SGCD: variants seen among roughly 807,000 people sequenced by gnomAD.
SGCD encodes sarcoglycan delta, also known as delta-sarcoglycan.
SGCD carries 18 observed loss-of-function variants against 36.6 expected under a neutral mutation model. The observed-to-expected ratio is 0.49, with a 90% CI of 0.34 to 0.73. The LOEUF (loss-of-function observed/expected upper bound fraction) is 0.73. Ranked by LOEUF, SGCD falls within the 30% of genes least tolerant of loss-of-function variation. SGCD has a pLI of 0.01. For synonymous variants in SGCD, 133 were observed against 130.6 expected (o/e 1.02, Z -0.12); for missense variants, 387 against 346.7 (o/e 1.12, Z -0.92).
intron 3 of SGCD, among the ~76,000 whole-genome samples, chr5:156,221,630 CA>C (rs58913038): frequency 7.9e-5 from 12 of 151,004 alleles, no homozygotes; most frequent in Non-Finnish European, 1.2e-4. Flanking sequence ...GTGATCATCA[CA>C]AAAAAAATAA....
intron 1 of SGCD, among the ~76,000 whole-genome samples, chr5:156,116,226 C>CT (rs1761902417): frequency 6.6e-6 from 1 of 151,756 alleles, no homozygotes; most frequent in African/African-American, 2.4e-5. Flanking sequence ...TTTCTGTCTC[C>CT]TTTTTTTCTT....
chr5:156,169,068 T>C (rs982649698), intron 3 of SGCD, among the ~76,000 whole-genome samples: 1 of 152,176 alleles, frequency 6.6e-6, no homozygotes, highest in Non-Finnish European at 1.5e-5. Context: ...ATAACAACAA[T>C]GTATAAAATG....
intron 1 of SGCD, among the ~76,000 whole-genome samples, chr5:155,933,699 C>G (rs1254399127): frequency 6.6e-6 from 1 of 152,174 alleles, no homozygotes; most frequent in Admixed American, 6.5e-5. Context: ...TTTTTAGCTG[C>G]AAAATGGATA....
intron 1 of SGCD, among the ~76,000 whole-genome samples, chr5:156,023,785 G>A (rs577074119): frequency 1.2e-3 from 184 of 152,286 alleles, no homozygotes; most frequent in South Asian, 2.1e-3. Context: ...TACATCTTCG[G>A]CTGTCTAACA....
intron 3 of SGCD, among the ~76,000 whole-genome samples, chr5:156,202,643 A>T (rs1037651677): frequency 6.6e-6 from 1 of 151,966 alleles, no homozygotes; most frequent in Admixed American, 6.6e-5. Context: ...GGTTTTGAAG[A>T]TGTAGATCAA....
At chr5:156,582,494 C>T (rs984613262) in intron 4 of SGCD, among the ~76,000 whole-genome samples, 3 of 152,204 alleles carry the variant, frequency 2.0e-5, no homozygotes, top group Non-Finnish European at 4.4e-5. Context: ...GTGACATCTG[C>T]ACTCCCACAG....
Position 155,996,007 on chromosome 5 carries a change from A to G in SGCD, c.-281-121871A>G, listed in dbSNP as rs867070522. On this transcript the variant is annotated intron_variant, in intron 1 of 9. Transcript: ENST00000517913. ...ACACCAAAAAAAAAAAAAAAAAAAAAGAACTTACAAAAAAAAAAAAACCTG... is the reference window on the plus strand; with the variant it reads ...ACACCAAAAAAAAAAAAAAAAAAAAGGAACTTACAAAAAAAAAAAAACCTG... 3.8e-3 allele frequency among the ~76,000 whole-genome samples: 540 copies of G among 143,386 alleles called. 3 individuals carry two copies. The highest frequency in any genetic ancestry group is 7.1e-3 in the Middle Eastern group (2 of 280). 94.1% of individuals were successfully genotyped at this position (143,386 alleles called of 152,430 possible). A position where few individuals can be genotyped will look rare whatever the true frequency, so the allele number is the denominator to read the frequency against.
chr5:156,311,113 A>C (rs1446559349), intron 3 of SGCD, among the ~76,000 whole-genome samples: 2 of 152,212 alleles, frequency 1.3e-5, no homozygotes. Context: ...AAGATGAAAA[A>C]AATGTTTTGT....
At chr5:155,891,017 A>G (rs898822262) in intron 1 of SGCD, among the ~76,000 whole-genome samples, 1 of 152,232 alleles carries the variant, frequency 6.6e-6, no homozygotes, top group East Asian at 1.9e-4. Flanking sequence ...TCCCTAAAGC[A>G]TAAAAAGAGG....
At chr5:156,145,195 T>A (rs1003656818) in intron 3 of SGCD, among the ~76,000 whole-genome samples, 1 of 152,138 alleles carries the variant, frequency 6.6e-6, no homozygotes, top group African/African-American at 2.4e-5. Flanking sequence ...AGTGAGTGAG[T>A]TCTCACAAGA....
In SGCD at chr5:155,893,916, T is replaced by C. The variant is rs916864417; in HGVS notation, c.-282+23492T>C. On this transcript the variant is annotated intron_variant, in intron 1 of 9. Transcript: ENST00000517913. ...AAACATGTGCAGCATGTTACTGTAC[T>C]GAATACTTCAGGCAATTGTAACACA... is the stretch of plus-strand genomic sequence containing the variant. Among the ~76,000 whole-genome samples, 7 of 152,362 alleles carry C rather than the reference T, an allele frequency of 4.6e-5. No homozygotes were observed. The South Asian group carries it at 1.0e-3, about 23-fold the overall frequency.
chr5:156,766,996 A>G lies in SGCD; in HGVS notation c.*7606A>G, dbSNP rs1185740242. 1 of 152,170 alleles carries G rather than the reference A, an allele frequency of 6.6e-6. No homozygotes were observed. The highest frequency in any genetic ancestry group is 1.5e-5 in the Non-Finnish European group (1 of 68,062). The allele number at this position is 152,170 out of a possible 1,614,324, so 9.4% of individuals were successfully genotyped here. On this transcript the variant is annotated 3_prime_UTR_variant, in exon 9 of 9. Transcript: ENST00000337851. ...TTTCCTGGTTCAACAACCCACCACAAAACCTTAGTAAAAGGATGAGCCAAA... is the reference window on the plus strand; with the variant it reads ...TTTCCTGGTTCAACAACCCACCACAGAACCTTAGTAAAAGGATGAGCCAAA...
At chr5:156,192,694 A>T (rs925567511) in intron 3 of SGCD, among the ~76,000 whole-genome samples, 2 of 151,784 alleles carry the variant, frequency 1.3e-5, no homozygotes, top group Non-Finnish European at 2.9e-5. Flanking sequence ...CCCTGACTTG[A>T]TTATTACACA....
At chr5:156,136,124 A>C (rs1289027293) in intron 3 of SGCD, among the ~76,000 whole-genome samples, 1 of 151,976 alleles carries the variant, frequency 6.6e-6, no homozygotes, top group Non-Finnish European at 1.5e-5. Flanking sequence ...TTATTTATTT[A>C]TATTCTGGGA....
chr5:156,230,530 C>G (rs1454348178), intron 3 of SGCD, among the ~76,000 whole-genome samples: 1 of 152,172 alleles, frequency 6.6e-6, no homozygotes, highest in Admixed American at 6.5e-5. Context: ...TGTGAACCAT[C>G]TGTGGGTCTC....
At chr5:156,579,171 C>T (rs932848749) in intron 4 of SGCD, among the ~76,000 whole-genome samples, 1 of 152,046 alleles carries the variant, frequency 6.6e-6, no homozygotes, top group Admixed American at 6.5e-5. Context: ...CGTGATGTAC[C>T]CAGTAGTCAT....
chr5:156,357,144 A>G (rs1769533885), intron 3 of SGCD, among the ~76,000 whole-genome samples: 1 of 152,216 alleles, frequency 6.6e-6, no homozygotes, highest in Admixed American at 6.5e-5. Context: ...CATCAATGCT[A>G]TTAAGCGTGC....
the SGCD span, among the ~76,000 whole-genome samples, chr5:155,757,245 C>T: frequency 6.6e-6 from 1 of 152,136 alleles, no homozygotes; most frequent in East Asian, 1.9e-4. Flanking sequence ...AAGGCTTAAT[C>T]TATAATAACA....
At chr5:156,133,262 G>T (rs2127607121) in intron 3 of SGCD, among the ~76,000 whole-genome samples, 1 of 152,306 alleles carries the variant, frequency 6.6e-6, no homozygotes, top group South Asian at 2.1e-4. Context: ...GGTCAAAGCA[G>T]ATTGAGCTAA....
Sources: gnomAD v4.1 joint callset for allele counts (sites outside exome capture counted in the v4.1 genomes callset) on GRCh38, gnomAD v4.1.1 for gene constraint, MANE v1.5 for transcripts, NCBI Gene and HGNC (gene_info 2026-07-23, HGNC 2026-07-21) for gene names.